Variants in GSDMA observed in about 807,000 individuals in gnomAD.
GSDMA encodes gasdermin-A.
In GSDMA, 55 loss-of-function variants were observed where a neutral mutation model predicts 54.3. The ratio of observed to expected loss-of-function variants is 1.01; its 90% CI spans 0.82 to 1.27. GSDMA has a LOEUF of 1.27. Among genes scored for constraint, GSDMA ranks in the 50% most tolerant of loss-of-function variants. The pLI is 0.00. For synonymous variants in GSDMA, 211 were observed against 224.7 expected, an observed-to-expected ratio of 0.94 and a Z score of 0.54; for missense variants, 542 against 542.6, an observed-to-expected ratio of 1.00 and a Z score of 0.01.
chr17:39,977,287 C>CTTTT lies in GSDMA; in HGVS notation c.*230_*233dup, dbSNP rs1245637112. 6.4e-4 allele frequency: 191 copies of CTTTT among 296,376 alleles called. 23 individuals are homozygous for CTTTT. Among genetic ancestry groups the CTTTT allele is most frequent in the African/African-American group, 9.1e-4 (32 of 35,290 alleles). 18.4% of individuals were successfully genotyped at this position (296,376 alleles called of 1,614,324 possible). A position where few individuals can be genotyped will look rare whatever the true frequency, so the allele number is the denominator to read the frequency against. ...TGATGCTTAAATTTTCTTTACTTTT[C>CTTTT]TTTTCTTTTTTTTTTTTTTTTTGAG... On this transcript the variant is annotated 3_prime_UTR_variant, in exon 12 of 12. Transcript: ENST00000301659.
chr17:39,968,432 C>A (rs1979777658), intron 3 of GSDMA, among the ~76,000 whole-genome samples: 2 of 148,566 alleles, frequency 1.3e-5, no homozygotes, highest in Non-Finnish European at 1.5e-5. Flanking sequence ...ACTGCAACCT[C>A]CGCTTCCCAG....
At chr17:39,968,823 G>A (rs1341819039) in intron 3 of GSDMA, among the ~76,000 whole-genome samples, 4 of 152,152 alleles carry the variant, frequency 2.6e-5, no homozygotes, top group African/African-American at 7.2e-5. Flanking sequence ...AGGTGACTGC[G>A]AGATTTTACC....
rs765035744 is a variant in GSDMA at position 39,966,243 on chromosome 17, T to C, written c.215-17T>C. On this transcript the variant is annotated splice_polypyrimidine_tract_variant and intron_variant, in intron 2 of 11. Coordinates refer to ENST00000301659, the MANE Select transcript of GSDMA (RefSeq NM_178171.5). ...CACCCAGCCAGCCCAGCCCCTTTTG[T>C]CTTTTCCCTCCTGCAGACCCAACAG... 12 of 1,613,488 alleles carry C rather than the reference T, an allele frequency of 7.4e-6. No individual in the cohort carries two copies. The highest frequency in any genetic ancestry group is 1.3e-5 in the African/African-American group (1 of 74,878).
chr17:39,973,762 A>G (rs377764282), intron 7 of GSDMA, 48 bp from the exon 8 acceptor site: 205 of 1,544,840 alleles, frequency 1.3e-4, no homozygotes, highest in Non-Finnish European at 1.8e-4. Flanking sequence ...TATGGCTGCC[A>G]TTCTGAAGGA....
At chr17:39,966,481 G>C in intron 3 of GSDMA, 44 bp downstream of exon 3, 1 of 1,511,618 alleles carries the variant, frequency 6.6e-7, no homozygotes, top group Non-Finnish European at 8.9e-7. Context: ...TGTGGGTGGG[G>C]CAGTGCATGG....
At chr17:39,968,337 G>GTGTTTTTTTTTTTTT (rs1258985091) in intron 3 of GSDMA, among the ~76,000 whole-genome samples, 1 of 59,838 alleles carries the variant, frequency 1.7e-5, no homozygotes, top group African/African-American at 1.5e-4. Flanking sequence ...ACTGAGCCCG[G>GTGTTTTTTTTTTTTT]TCTTTTTTTT....
At chr17:39,967,826 C>G (rs1209952465) in intron 3 of GSDMA, among the ~76,000 whole-genome samples, 1 of 152,000 alleles carries the variant, frequency 6.6e-6, no homozygotes, top group East Asian at 1.9e-4. Flanking sequence ...GTGCCCGCCA[C>G]TACGCCCGGA....
intron 4 of GSDMA, among the ~76,000 whole-genome samples, chr17:39,971,031 G>A (rs1387553915): frequency 6.6e-6 from 1 of 152,230 alleles, no homozygotes; most frequent in Non-Finnish European, 1.5e-5. Context: ...CACAGGCTTG[G>A]AAAAGCCAAT....
intron 3 of GSDMA, among the ~76,000 whole-genome samples, chr17:39,967,011 C>T (rs979918312): frequency 4.6e-5 from 7 of 151,974 alleles, no homozygotes; most frequent in African/African-American, 9.7e-5. Context: ...TGGCTTGACA[C>T]GGGAACTGAC....
At position 39,965,884 on chromosome 17, in the gene GSDMA, C is replaced by CCGCAG. The variant is rs1475594095; in HGVS notation, c.199_200insCAGCG (p.Gly67AlafsTer35). 6.4e-7 allele frequency: 1 copy of CCGCAG among 1,554,626 alleles called. No homozygotes were observed. Among genetic ancestry groups the CCGCAG allele is most frequent in the African/African-American group, 1.4e-5 (1 of 73,168 alleles). On this transcript the variant is annotated frameshift_variant, in exon 2 of 12. Coordinates refer to ENST00000301659, the MANE Select transcript of GSDMA (RefSeq NM_178171.5). LOFTEE classifies it high-confidence loss of function. ...TACACGCTGCTGGATGTGCTTGAGC[C>CCGCAG]CGGCAGCTCACCTTCAGGTCAGCCT...
intron 3 of GSDMA, among the ~76,000 whole-genome samples, chr17:39,968,040 G>C (rs1979749148): frequency 6.6e-6 from 1 of 152,020 alleles, no homozygotes; most frequent in Non-Finnish European, 1.5e-5. Flanking sequence ...TATATTTTTA[G>C]TAGAGACGGA....
Position 39,965,763 on chromosome 17 carries a change from A to T in GSDMA, c.76A>T (p.Ser26Cys), listed in dbSNP as rs1979620642. 6.2e-7 allele frequency: 1 copy of T among 1,611,608 alleles called. No individual in the cohort carries two copies. The highest frequency in any genetic ancestry group is 1.3e-5 in the African/African-American group (1 of 74,878). Residue 26 changes from serine (S) to cysteine (C), a missense_variant, in exon 2 of 12, where the codon AGC (serine) becomes TGC (cysteine). By Grantham distance (112) the Ser-to-Cys change is moderately radical (BLOSUM62 -1). Coordinates refer to ENST00000301659, the MANE Select transcript of GSDMA (RefSeq NM_178171.5). ...NPRGDLTPLDSLIDFKRFHPF... is the reference protein window; with the variant it reads ...NPRGDLTPLDCLIDFKRFHPF... ...TCGAGGGGACCTGACACCACTTGAC[A>T]GCCTCATCGACTTCAAGCGCTTCCA...
At position 39,975,922 on chromosome 17, in the gene GSDMA, A is replaced by T; in HGVS notation, c.1022-2A>T. 1 of 1,593,786 alleles carries T rather than the reference A, an allele frequency of 6.3e-7. No homozygotes were observed. The highest frequency in any genetic ancestry group is 8.5e-7 in the Non-Finnish European group (1 of 1,169,708). On this transcript the variant is annotated splice_acceptor_variant, in intron 10 of 11. Transcript: ENST00000301659. LOFTEE classifies it high-confidence loss of function. The stretch of plus-strand genomic sequence containing the variant: ...ACATCTTTCTCTGCTTTTTTTCTCC[A>T]GAGCTAAGTGAAGCCCAACAGAAGC...
intron 4 of GSDMA, 37 bp downstream of exon 4, chr17:39,970,684 C>T (rs1979899152): frequency 1.4e-6 from 2 of 1,398,916 alleles, no homozygotes; most frequent in Non-Finnish European, 9.4e-7. Flanking sequence ...CACACACACA[C>T]TCTCACACTC....
At chr17:39,967,346 C>T (rs1979716093) in intron 3 of GSDMA, among the ~76,000 whole-genome samples, 3 of 152,122 alleles carry the variant, frequency 2.0e-5, no homozygotes, top group Admixed American at 1.3e-4. Context: ...TGTTTTGGGC[C>T]TTGAAAGATG....
chr17:39,964,590 G>T (rs540403629), intron 1 of GSDMA, among the ~76,000 whole-genome samples: 1 of 151,696 alleles, frequency 6.6e-6, no homozygotes, highest in East Asian at 2.0e-4. Context: ...AAAAAGTCTG[G>T]ATCCAGGCAT....
chr17:39,967,461 G>A (rs145516974), intron 3 of GSDMA, among the ~76,000 whole-genome samples: 20 of 152,312 alleles, frequency 1.3e-4, no homozygotes, highest in African/African-American at 4.1e-4. Flanking sequence ...TAGCAGGGGC[G>A]GAAGAGGTGC....
intron 7 of GSDMA, among the ~76,000 whole-genome samples, chr17:39,973,570 A>T (rs1980058151): frequency 6.6e-6 from 1 of 151,956 alleles, no homozygotes; most frequent in South Asian, 2.1e-4. Context: ...CCTAGAAAAA[A>T]AAAAAAAAAA....
chr17:39,965,511 C>T lies in GSDMA; in HGVS notation c.-5-172C>T, dbSNP rs138161835. On this transcript the variant is annotated intron_variant, in intron 1 of 11. Transcript: ENST00000301659. ...GCCCTAGGTTCCTCATCATAAAATGCAGACTCCCTTGATTCTTTCCAGCTG... is the reference window on the plus strand; with the variant it reads ...GCCCTAGGTTCCTCATCATAAAATGTAGACTCCCTTGATTCTTTCCAGCTG... The T allele has an allele frequency of 3.2e-3, 1,910 of 599,100 alleles. 30 individuals carry two copies. The Middle Eastern group carries it at 0.046, about 15-fold the overall frequency. 37.1% of individuals were successfully genotyped at this position (599,100 alleles called of 1,614,324 possible). A position where few individuals can be genotyped will look rare whatever the true frequency, so the allele number is the denominator to read the frequency against.
Sources: gnomAD v4.1 joint callset for allele counts (sites outside exome capture counted in the v4.1 genomes callset) on GRCh38, gnomAD v4.1.1 for gene constraint, MANE v1.5 for transcripts, NCBI Gene and HGNC (gene_info 2026-07-23, HGNC 2026-07-21) for gene names.